Variants in CUX2 observed in about 807,000 individuals in gnomAD.
The protein encoded by CUX2 is homeobox protein cut-like 2.
Under a neutral mutation model 144.8 loss-of-function variants are expected in CUX2, and 40 were observed. The ratio of observed to expected loss-of-function variants is 0.28; its 90% CI spans 0.21 to 0.36. The LOEUF is 0.36. CUX2 is among the 10% of genes least tolerant of loss of function. The pLI is 1.00. For synonymous variants in CUX2, 827 were observed against 875.6 expected (o/e 0.94, Z 0.98); for missense variants, 1,615 against 1,994.0 (o/e 0.81, Z 3.62).
chr12:111,067,237 T>C (rs1261759014), intron 1 of CUX2, among the ~76,000 whole-genome samples: 3 of 152,194 alleles, frequency 2.0e-5, no homozygotes, highest in Admixed American at 6.5e-5. Context: ...GCTACAGTGA[T>C]TGGACCACCA....
At position 111,349,378 on chromosome 12, in the gene CUX2, A is replaced by G. The variant is rs1001256926; in HGVS notation, c.*1053A>G. ...ATCTTCCCCTCTTGGTGTTTTCCGAAAGTGACAGTGTTGGTCATCCCATGA... is the reference window on the plus strand; with the variant it reads ...ATCTTCCCCTCTTGGTGTTTTCCGAGAGTGACAGTGTTGGTCATCCCATGA... On this transcript the variant is annotated 3_prime_UTR_variant, in exon 22 of 22. Transcript: ENST00000261726. 1.3e-5 allele frequency: 2 copies of G among 152,202 alleles called. No homozygotes were observed. Among genetic ancestry groups the G allele is most frequent in the African/African-American group, 4.8e-5 (2 of 41,442 alleles). 9.4% of individuals were successfully genotyped at this position (152,202 alleles called of 1,614,324 possible).
intron 14 of CUX2, among the ~76,000 whole-genome samples, chr12:111,309,745 C>G (rs1021428664): frequency 2.0e-5 from 3 of 150,730 alleles, no homozygotes; most frequent in African/African-American, 4.9e-5. Flanking sequence ...CTCTTTATCT[C>G]TCTCTCTCTC....
intron 20 of CUX2, among the ~76,000 whole-genome samples, 159 bp from the exon 21 acceptor site, chr12:111,341,621 T>G (rs1015163097): frequency 1.1e-4 from 15 of 132,458 alleles, no homozygotes; most frequent in South Asian, 4.8e-4. Context: ...AGAAGGAGAG[T>G]GAGGAGGGAG....
intron 19 of CUX2, among the ~76,000 whole-genome samples, chr12:111,334,958 G>A (rs999085720): frequency 4.6e-5 from 7 of 152,324 alleles, no homozygotes; most frequent in African/African-American, 1.7e-4. Flanking sequence ...CTTCACACGT[G>A]TTGGTGCATG....
In CUX2 at chr12:111,307,061, C is replaced by G; in HGVS notation, c.999C>G (p.Asn333Lys). The G allele has an allele frequency of 6.2e-7, 1 of 1,613,572 alleles. No individual in the cohort carries two copies. Among genetic ancestry groups the G allele is most frequent in the Non-Finnish European group, 8.5e-7 (1 of 1,179,594 alleles). Residue 333 changes from asparagine to lysine, a missense_variant, in exon 11 of 22, where the codon AAC (asparagine) becomes AAG (lysine). By Grantham distance (94) the Asn-to-Lys change is moderately conservative. Around this residue, in one of 12 missense-constraint regions of CUX2, gnomAD observed 295 missense variants for 400.2 expected, o/e 0.74. Transcript: ENST00000261726. This position sits in a 1 kb window ranked among gnomAD's most constrained non-coding sequence, Gnocchi z 4.1. The part of the protein sequence containing the change: ...SLQELEEASA[N>K]QIADLERQLT... Reference sequence around the variant, plus strand: ...AGGAGCTGGAGGAGGCATCCGCCAACCAGATCGCCGACCTGGAGCGGCAGC... The same window carrying G: ...AGGAGCTGGAGGAGGCATCCGCCAAGCAGATCGCCGACCTGGAGCGGCAGC...
intron 1 of CUX2, among the ~76,000 whole-genome samples, chr12:111,146,268 C>A (rs950538608): frequency 2.6e-5 from 4 of 152,182 alleles, no homozygotes. Flanking sequence ...AAATGTATGA[C>A]GACGTGGCTC....
rs1050502672 is a variant in CUX2 at position 111,186,255 on chromosome 12, G to A, written c.64-27945G>A. ...AGTTGTCACTGTGGATGCTTAGTCA[G>A]GTGACACTTATGGGGACCAGCTGTG... On this transcript the variant is annotated intron_variant, in intron 1 of 21. Coordinates refer to ENST00000261726, the MANE Select transcript of CUX2 (RefSeq NM_015267.4). The surrounding 1 kb of genome is among the most constrained non-coding windows in gnomAD (Gnocchi z 4.4). Among the ~76,000 whole-genome samples the A allele has an allele frequency of 3.9e-5, 6 of 152,152 alleles. No individual in the cohort carries two copies. Among genetic ancestry groups the A allele is most frequent in the African/African-American group, 1.4e-4 (6 of 41,426 alleles).
chr12:111,218,732 C>T (rs1881688164), intron 3 of CUX2, among the ~76,000 whole-genome samples: 1 of 152,204 alleles, frequency 6.6e-6, no homozygotes, highest in Admixed American at 6.5e-5. Context: ...CACCAGCCCA[C>T]TCTTTGAGTA....
At chr12:111,107,512 T>TG (rs1353264949) in intron 1 of CUX2, among the ~76,000 whole-genome samples, 3 of 152,268 alleles carry the variant, frequency 2.0e-5, no homozygotes, top group Non-Finnish European at 2.9e-5. Context: ...AGGTTTCACC[T>TG]GGGGAGGGCC....
At position 111,346,426 on chromosome 12, in the gene CUX2, C is replaced by T. The variant is rs376752008; in HGVS notation, c.3660-1098C>T. On this transcript the variant is annotated intron_variant, in intron 21 of 21. Transcript: ENST00000261726. ...GGGAGGCAGAGGTTGCAGTGAGCCG[C>T]GATTGCGCCACTGCACTCCAGCCTG... 4.0e-4 allele frequency among the ~76,000 whole-genome samples: 58 copies of T among 146,330 alleles called. 1 individual carries two copies. The highest frequency in any genetic ancestry group is 1.4e-3 in the African/African-American group (56 of 39,734).
chr12:111,045,707 C>A (rs1313975493), intron 1 of CUX2, among the ~76,000 whole-genome samples: 1 of 152,234 alleles, frequency 6.6e-6, no homozygotes, highest in Non-Finnish European at 1.5e-5. Flanking sequence ...GCAGTCAGAT[C>A]TTGCTTCAGA....
At chr12:111,223,131 C>T (rs1055562323) in intron 3 of CUX2, among the ~76,000 whole-genome samples, 2 of 152,124 alleles carry the variant, frequency 1.3e-5, no homozygotes, top group Non-Finnish European at 2.9e-5. Context: ...TTGTGGAGAA[C>T]CTTCTATGTC....
intron 1 of CUX2, among the ~76,000 whole-genome samples, chr12:111,208,833 C>T (rs772434855): frequency 4.6e-5 from 7 of 152,206 alleles, no homozygotes; most frequent in Non-Finnish European, 8.8e-5. Flanking sequence ...CCCTCCAGCA[C>T]TTGCTAACCT....
chr12:111,207,296 A>T (rs1283541567), intron 1 of CUX2, among the ~76,000 whole-genome samples: 1 of 152,258 alleles, frequency 6.6e-6, no homozygotes. Context: ...ATGTCTCTGC[A>T]TGATGGCCTT....
At chr12:111,191,301 C>CTTT (rs1392579178) in intron 1 of CUX2, among the ~76,000 whole-genome samples, 4 of 146,700 alleles carry the variant, frequency 2.7e-5, no homozygotes, top group African/African-American at 5.1e-5. Flanking sequence ...TGTTCTTATT[C>CTTT]TTTTATTATT....
intron 1 of CUX2, among the ~76,000 whole-genome samples, chr12:111,185,739 C>T (rs1463017297): frequency 6.6e-6 from 1 of 152,158 alleles, no homozygotes; most frequent in African/African-American, 2.4e-5. Context: ...AGAGGCCCAG[C>T]CCCTACAGTC....
At chr12:111,069,395 C>A (rs1047624457) in intron 1 of CUX2, among the ~76,000 whole-genome samples, 2 of 152,066 alleles carry the variant, frequency 1.3e-5, no homozygotes, top group African/African-American at 4.8e-5. Flanking sequence ...CAGTAACTTT[C>A]CATACTTCGT....
At chr12:111,302,019 T>C (rs1045090612) in intron 9 of CUX2, among the ~76,000 whole-genome samples, 4 of 152,204 alleles carry the variant, frequency 2.6e-5, no homozygotes, top group African/African-American at 7.2e-5. Flanking sequence ...AACATAAAAA[T>C]ATTTCCTTTA....
At chr12:111,210,332 G>T (rs1464122714) in intron 1 of CUX2, among the ~76,000 whole-genome samples, 1 of 152,108 alleles carries the variant, frequency 6.6e-6, no homozygotes, top group Non-Finnish European at 1.5e-5. Flanking sequence ...GGGTGGGAGG[G>T]AGTGGTTTTT....
Sources: gnomAD v4.1 joint callset for allele counts (sites outside exome capture counted in the v4.1 genomes callset) on GRCh38, gnomAD v4.1.1 for gene constraint, gnomAD v4.1.1 regional missense constraint, Gnocchi (gnomAD v3.1) non-coding constraint, MANE v1.5 for transcripts, NCBI Gene and HGNC (gene_info 2026-07-23, HGNC 2026-07-21) for gene names.